KIF15: variants seen among roughly 807,000 people sequenced by gnomAD.
The protein encoded by KIF15 is kinesin family member 15, also known as kinesin-like protein KIF15.
KIF15 carries 140 observed loss-of-function variants against 190.6 expected under a neutral mutation model. That is an observed-to-expected ratio of 0.73 (90% CI 0.64 to 0.84). The LOEUF (loss-of-function observed/expected upper bound fraction) is 0.84. Ranked by LOEUF, KIF15 falls within the 40% of genes least tolerant of loss-of-function variation. The probability of loss-of-function intolerance (pLI) is 0.00; values close to 1 mark genes in which losing one functional copy is unlikely to be tolerated. For missense variants in KIF15, 1,372 were observed against 1,584.4 expected (o/e 0.87, Z 2.28); for synonymous variants, 528 against 551.3 (o/e 0.96, Z 0.59).
At chr3:44,763,174 C>A (rs577245569) in intron 1 of KIF15, among the ~76,000 whole-genome samples, 2 of 152,262 alleles carry the variant, frequency 1.3e-5, no homozygotes, top group Admixed American at 1.3e-4. Context: ...TTGATGACTT[C>A]CCAGTTAAAG....
intron 26 of KIF15, among the ~76,000 whole-genome samples, chr3:44,837,560 C>CTG (rs139988890): frequency 0.019 from 2,831 of 151,684 alleles, 73 homozygotes; most frequent in African/African-American, 0.064. Context: ...GTATATATAT[C>CTG]TGTGTATATC....
intron 1 of KIF15, among the ~76,000 whole-genome samples, chr3:44,762,491 T>C (rs1705194741): frequency 6.6e-6 from 1 of 152,188 alleles, no homozygotes; most frequent in Non-Finnish European, 1.5e-5. Context: ...ACCCTACAGT[T>C]TTCACTAACG....
intron 30 of KIF15, among the ~76,000 whole-genome samples, chr3:44,846,269 AT>A (rs1698842877): frequency 1.3e-5 from 2 of 152,230 alleles, no homozygotes; most frequent in Admixed American, 6.5e-5. Context: ...CAAAGAAGAT[AT>A]GTTTTAGACA....
In KIF15 at chr3:44,808,107, A is replaced by AT. The variant is rs201148840; in HGVS notation, c.1971+2130dup. ...GTGTGAGCCACCATGCCTGACCAGA[A>AT]TTTTTTTTTACTGTTGCTTTTTAAA... On this transcript the variant is annotated intron_variant, in intron 16 of 34. Coordinates refer to ENST00000326047, the MANE Select transcript of KIF15 (RefSeq NM_020242.3). Among the ~76,000 whole-genome samples, 37 of 151,118 alleles carry AT rather than the reference A, an allele frequency of 2.4e-4. 1 individual carries two copies. In the East Asian group the frequency reaches 5.8e-3, roughly 24 times the overall value.
At chr3:44,769,647 C>T (rs1019823855) in intron 1 of KIF15, among the ~76,000 whole-genome samples, 4 of 151,990 alleles carry the variant, frequency 2.6e-5, no homozygotes, top group South Asian at 2.1e-4. Context: ...CTTCTGTTAC[C>T]GTCTGCTTCT....
chr3:44,848,919 C>CT (rs1408372911), intron 32 of KIF15, among the ~76,000 whole-genome samples: 1 of 152,188 alleles, frequency 6.6e-6, no homozygotes, highest in East Asian at 1.9e-4. Flanking sequence ...GATCAGTACT[C>CT]TGATTTCTTC....
chr3:44,806,005 A>AAAGCTAGGCATGGTGG lies in KIF15; in HGVS notation c.1971+19_1971+20insAAGCTAGGCATGGTGG, dbSNP rs1319023348. On this transcript the variant is annotated intron_variant, in intron 16 of 34. Coordinates refer to ENST00000326047, the MANE Select transcript of KIF15 (RefSeq NM_020242.3). Reference sequence around the variant, plus strand: ...ACTTAAGGTAGGTCATCTGAACAATACCTCCACCTTAAATCAGTGCAATGT... The same window carrying AAAGCTAGGCATGGTGG: ...ACTTAAGGTAGGTCATCTGAACAATAAAGCTAGGCATGGTGGCCTCCACCTTAAATCAGTGCAATGT... 1 of 1,610,394 alleles carries AAAGCTAGGCATGGTGG rather than the reference A, an allele frequency of 6.2e-7. No individual in the cohort carries two copies. Among genetic ancestry groups the AAAGCTAGGCATGGTGG allele is most frequent in the South Asian group, 1.1e-5 (1 of 90,436 alleles).
chr3:44,852,234 G>A lies in KIF15; in HGVS notation c.3999G>A (p.Val1333=). 1 of 1,613,250 alleles carries A rather than the reference G, an allele frequency of 6.2e-7. No homozygotes were observed. The highest frequency in any genetic ancestry group is 8.5e-7 in the Non-Finnish European group (1 of 1,179,462). Residue 1333 remains valine (V), a synonymous_variant, in exon 34 of 35, where the codon GTG becomes GTA. Transcript: ENST00000326047. ...SQEMEMLRKQ[V]ECLAEENGKL... is the part of the protein sequence containing the mutation. ...AGATGGAAATGTTAAGGAAGCAGGTGGAGTGTCTTGCTGAGGAAAATGGAA... is the reference window on the plus strand; with the variant it reads ...AGATGGAAATGTTAAGGAAGCAGGTAGAGTGTCTTGCTGAGGAAAATGGAA...
chr3:44,782,245 G>T (rs978169266), intron 5 of KIF15, among the ~76,000 whole-genome samples: 1 of 151,700 alleles, frequency 6.6e-6, no homozygotes, highest in African/African-American at 2.4e-5. Context: ...GAGACGGGGT[G>T]GGGGGCGCGT....
At chr3:44,864,039 G>A (rs1005714240) in intron 6 of KIF15, 1 of 757,610 alleles carries the variant, frequency 1.3e-6, no homozygotes, top group African/African-American at 1.7e-5. Context: ...TGAGGGTTAA[G>A]TGAAGCCCTG....
chr3:44,778,606 A>G (rs767323710), intron 4 of KIF15, among the ~76,000 whole-genome samples: 28 of 152,204 alleles, frequency 1.8e-4, no homozygotes, highest in Non-Finnish European at 3.1e-4. Flanking sequence ...TCAAGGTAGC[A>G]GGGATTACAC....
intron 25 of KIF15, among the ~76,000 whole-genome samples, chr3:44,830,424 G>T (rs1698010126): frequency 6.6e-6 from 1 of 152,172 alleles, no homozygotes. Flanking sequence ...TTTTTTAGTG[G>T]CTTTGAGGAA....
At chr3:44,791,467 A>G (rs551332468) in intron 7 of KIF15, among the ~76,000 whole-genome samples, 51 of 152,302 alleles carry the variant, frequency 3.3e-4, no homozygotes, top group Non-Finnish European at 6.5e-4. Context: ...TCATTTACAT[A>G]GAACCAGTTT....
chr3:44,847,686 C>T (rs1420326349), intron 30 of KIF15, among the ~76,000 whole-genome samples: 3 of 152,186 alleles, frequency 2.0e-5, no homozygotes. Context: ...GATGTTACCA[C>T]TTTTAACTAA....
At chr3:44,823,926 C>T (rs765023914) in intron 20 of KIF15, among the ~76,000 whole-genome samples, 1 of 152,212 alleles carries the variant, frequency 6.6e-6, no homozygotes, top group African/African-American at 2.4e-5. Flanking sequence ...GTCATGGCTT[C>T]CCTTGGCTAG....
At chr3:44,861,882 G>A in intron 6 of KIF15, 1 of 1,489,030 alleles carries the variant, frequency 6.7e-7, no homozygotes. Flanking sequence ...CGCGCGCTCT[G>A]CCCTGCGGGC....
intron 20 of KIF15, among the ~76,000 whole-genome samples, chr3:44,822,890 C>G (rs1697424776): frequency 6.6e-6 from 1 of 152,128 alleles, no homozygotes; most frequent in Non-Finnish European, 1.5e-5. Flanking sequence ...ACTGTTTATT[C>G]TAGTTAGCCA....
intron 1 of KIF15, 93 bp downstream of exon 1, chr3:44,761,977 C>G (rs1705165733): frequency 6.5e-7 from 1 of 1,540,326 alleles, no homozygotes; most frequent in East Asian, 2.2e-5. Context: ...AAGGTTCTTG[C>G]TAGGCATGAA....
At chr3:44,854,665 G>A (rs1236936764), downstream of KIF15, among the ~76,000 whole-genome samples, 6 of 152,152 alleles carry the variant, frequency 3.9e-5, no homozygotes, top group African/African-American at 1.4e-4. Flanking sequence ...CAAACTGGGT[G>A]GCTTAAAACA....
Sources: gnomAD v4.1 joint callset for allele counts (sites outside exome capture counted in the v4.1 genomes callset) on GRCh38, gnomAD v4.1.1 for gene constraint, MANE v1.5 for transcripts, NCBI Gene and HGNC (gene_info 2026-07-23, HGNC 2026-07-21) for gene names.